The following CPQ variants were observed in gnomAD, a reference collection of about 807,000 sequenced individuals.
CPQ encodes the protein Ser-Met dipeptidase.
In CPQ, 37 loss-of-function variants were observed where a neutral mutation model predicts 45.7. The observed-to-expected ratio is 0.81, with a 90% CI of 0.62 to 1.07. CPQ has a LOEUF of 1.07. Among genes scored for constraint, CPQ ranks in the 50% least tolerant of loss-of-function variants. The pLI is 0.00. For synonymous variants in CPQ, 186 were observed against 205.8 expected, an observed-to-expected ratio of 0.90 and a Z score of 0.82; for missense variants, 537 against 572.9, an observed-to-expected ratio of 0.94 and a Z score of 0.64.
At chr8:97,067,627 T>C (rs1810661989) in intron 7 of CPQ, among the ~76,000 whole-genome samples, 2 of 152,254 alleles carry the variant, frequency 1.3e-5, no homozygotes, top group South Asian at 4.1e-4. Context: ...TTTTAAGGCA[T>C]ATTTTAAGTT....
At chr8:97,012,276 A>G (rs1336904591) in intron 5 of CPQ, among the ~76,000 whole-genome samples, 4 of 152,184 alleles carry the variant, frequency 2.6e-5, no homozygotes, top group African/African-American at 9.7e-5. Context: ...TACTACTTCT[A>G]TTGCAAAATT....
chr8:97,001,721 CTT>C (rs61282246), intron 5 of CPQ, among the ~76,000 whole-genome samples: 26,958 of 91,564 alleles, frequency 0.29, 1,315 homozygotes, highest in African/African-American at 0.36. Flanking sequence ...TTCTTTCTTT[CTT>C]TTTTTTTTTT....
At chr8:97,024,269 C>T (rs908183319) in intron 5 of CPQ, among the ~76,000 whole-genome samples, 4 of 152,026 alleles carry the variant, frequency 2.6e-5, no homozygotes, top group African/African-American at 4.8e-5. Context: ...TTCGAGGAAA[C>T]GGGGATGAAG....
At chr8:97,039,952 T>C (rs1213878624) in intron 6 of CPQ, among the ~76,000 whole-genome samples, 1 of 152,084 alleles carries the variant, frequency 6.6e-6, no homozygotes, top group Non-Finnish European at 1.5e-5. Flanking sequence ...TACATGTGCA[T>C]GTGTCTTTAT....
At chr8:96,694,640 A>T (rs1586362051) in intron 1 of CPQ, among the ~76,000 whole-genome samples, 1 of 152,134 alleles carries the variant, frequency 6.6e-6, no homozygotes, top group African/African-American at 2.4e-5. Flanking sequence ...AACAACAAAC[A>T]CACAGAAGTT....
At chr8:97,045,758 T>C (rs1810244708) in intron 6 of CPQ, among the ~76,000 whole-genome samples, 1 of 152,230 alleles carries the variant, frequency 6.6e-6, no homozygotes, top group Admixed American at 6.5e-5. Context: ...TTCTGGTTAC[T>C]GTGATTTTCT....
intron 5 of CPQ, among the ~76,000 whole-genome samples, chr8:97,013,142 T>G (rs1436398850): frequency 6.6e-6 from 1 of 152,048 alleles, no homozygotes; most frequent in Non-Finnish European, 1.5e-5. Flanking sequence ...TAGGCATATG[T>G]GGTGGCAGGC....
intron 4 of CPQ, among the ~76,000 whole-genome samples, chr8:96,947,185 G>A (rs922077699): frequency 6.6e-6 from 1 of 152,070 alleles, no homozygotes; most frequent in Admixed American, 6.6e-5. Context: ...AGATATATTG[G>A]TACAGCATTT....
intron 3 of CPQ, among the ~76,000 whole-genome samples, chr8:96,878,429 T>C (rs115831499): frequency 0.022 from 3,294 of 152,316 alleles, 105 homozygotes; most frequent in African/African-American, 0.072. Flanking sequence ...GATTTAGTTG[T>C]ATAATTAATT....
At chr8:97,044,878 G>T (rs1810208195) in intron 6 of CPQ, among the ~76,000 whole-genome samples, 1 of 152,192 alleles carries the variant, frequency 6.6e-6, no homozygotes, top group African/African-American at 2.4e-5. Flanking sequence ...GCTGTGTGAG[G>T]TGTCAGTCTG....
In CPQ at chr8:96,785,041, A is replaced by G. The variant is rs757870995; in HGVS notation, c.144A>G (p.Lys48=). The G allele has an allele frequency of 6.2e-7, 1 of 1,613,902 alleles. No individual in the cohort carries two copies. Among genetic ancestry groups the G allele is most frequent in the South Asian group, 1.1e-5 (1 of 91,086 alleles). ...TAGCCAGCTGTGGAGATGTTGCTAAAGCAATCATCAACCTAGCTGTTTATG... is the reference window on the plus strand; with the variant it reads ...TAGCCAGCTGTGGAGATGTTGCTAAGGCAATCATCAACCTAGCTGTTTATG... ...EEIASCGDVA[K]AIINLAVYGK... Residue 48 remains lysine (K), a synonymous_variant, in exon 2 of 8, where the codon AAA becomes AAG. Transcript: ENST00000220763.
intron 4 of CPQ, among the ~76,000 whole-genome samples, chr8:96,890,544 G>A (rs1027419508): frequency 2.6e-5 from 4 of 152,142 alleles, no homozygotes; most frequent in East Asian, 1.9e-4. Context: ...AAGAGATGCC[G>A]TAAGGATCTC....
At chr8:96,670,346 T>G (rs1343578974) in intron 1 of CPQ, among the ~76,000 whole-genome samples, 1 of 150,260 alleles carries the variant, frequency 6.7e-6, no homozygotes, top group African/African-American at 2.5e-5. Flanking sequence ...TTGGCTGTAC[T>G]GCACTTGTGC....
chr8:96,746,121 A>G (rs1039631506), intron 1 of CPQ, among the ~76,000 whole-genome samples: 4 of 152,202 alleles, frequency 2.6e-5, no homozygotes, highest in East Asian at 1.9e-4. Context: ...GGACTTTAAT[A>G]AAACCCTATT....
intron 1 of CPQ, among the ~76,000 whole-genome samples, chr8:96,759,578 TCA>T (rs1460968183): frequency 6.6e-6 from 1 of 152,188 alleles, no homozygotes; most frequent in Admixed American, 6.5e-5. Flanking sequence ...GCTGTATCTC[TCA>T]CAGAGTGCTT....
At chr8:97,078,358 G>A (rs2513405) in intron 7 of CPQ, among the ~76,000 whole-genome samples, 78,542 of 152,026 alleles carry the variant, frequency 0.52, 21,101 homozygotes, top group East Asian at 0.6. Context: ...AAGTGTGTGT[G>A]TTGCTACTGG....
chr8:97,037,246 C>A lies in CPQ; in HGVS notation c.1053+7752C>A, dbSNP rs567006820. On this transcript the variant is annotated intron_variant, in intron 6 of 7. Coordinates refer to ENST00000220763, the MANE Select transcript of CPQ (RefSeq NM_016134.4). The stretch of plus-strand genomic sequence containing the variant: ...TTGAGACTTCTTCGTGCTATCTGGG[C>A]AAATGTGTTTCTTTGGCATTTTTAT... Among the ~76,000 whole-genome samples, 3 of 152,290 alleles carry A rather than the reference C, an allele frequency of 2.0e-5. No homozygotes were observed. The South Asian group carries it at 6.2e-4, about 32-fold the overall frequency.
intron 1 of CPQ, among the ~76,000 whole-genome samples, chr8:96,779,822 T>C (rs565632230): frequency 6.6e-4 from 100 of 152,190 alleles, no homozygotes; most frequent in Non-Finnish European, 9.0e-4. Context: ...TGAAATTTTT[T>C]TATTAGTTAA....
At chr8:96,771,240 GAAAT>G (rs1276987301) in intron 1 of CPQ, among the ~76,000 whole-genome samples, 3 of 151,562 alleles carry the variant, frequency 2.0e-5, no homozygotes, top group Non-Finnish European at 4.4e-5. Flanking sequence ...TGGAAGTGCA[GAAAT>G]AATAGAGATT....
Sources: gnomAD v4.1 joint callset for allele counts (sites outside exome capture counted in the v4.1 genomes callset) on GRCh38, gnomAD v4.1.1 for gene constraint, MANE v1.5 for transcripts, NCBI Gene and HGNC (gene_info 2026-07-23, HGNC 2026-07-21) for gene names.